The following PPTC7 variants were observed in gnomAD, a reference collection of about 807,000 sequenced individuals.
PPTC7 encodes protein phosphatase PTC7 homolog.
A neutral mutation model predicts 30.8 loss-of-function variants in PPTC7; 6 were observed. That is an observed-to-expected ratio of 0.19 (90% CI 0.11 to 0.38). PPTC7 has a LOEUF of 0.38. Among genes scored for constraint, PPTC7 ranks in the 10% least tolerant of loss-of-function variants. PPTC7 has a pLI of 1.00. For missense variants in PPTC7, 218 were observed against 404.8 expected (o/e 0.54, Z 3.96); for synonymous variants, 163 against 168.1 (o/e 0.97, Z 0.23).
chr12:110,551,789 C>T lies in PPTC7; in HGVS notation c.403G>A (p.Gly135Ser), dbSNP rs1565919992. 6.2e-7 allele frequency: 1 copy of T among 1,611,522 alleles called. No individual in the cohort carries two copies. ...ELLQNKVPLL[G>S]SSTACIVVLD... ...GAAAACACATAAGATACCCACTTAC[C>T]GAGCAAAGGGACTTTATTTTGCAGC... Residue 135 changes from glycine to serine, a missense_variant and splice_region_variant, in exon 2 of 6, where the codon GGT (glycine) becomes AGT (serine). Physicochemically the swap from Gly to Ser is moderately conservative, Grantham distance 56. Coordinates refer to ENST00000354300, the MANE Select transcript of PPTC7 (RefSeq NM_139283.2).
intron 1 of PPTC7, among the ~76,000 whole-genome samples, chr12:110,568,579 T>C (rs1348694025): frequency 6.6e-6 from 1 of 152,194 alleles, no homozygotes; most frequent in African/African-American, 2.4e-5. Flanking sequence ...ACACCAGTCC[T>C]GTGCATGTTT....
intron 1 of PPTC7, among the ~76,000 whole-genome samples, chr12:110,572,858 C>G (rs1163953155): frequency 6.6e-6 from 1 of 151,632 alleles, no homozygotes; most frequent in Non-Finnish European, 1.5e-5. Context: ...CTATCGTAAT[C>G]TTTTTTAAGT....
At chr12:110,574,248 T>C (rs1319037953) in intron 1 of PPTC7, among the ~76,000 whole-genome samples, 1 of 151,562 alleles carries the variant, frequency 6.6e-6, no homozygotes, top group African/African-American at 2.4e-5. Context: ...CCACCCTTAC[T>C]TGATGTGTCA....
In PPTC7 at chr12:110,539,964, A is replaced by AG. The variant is rs1197689754; in HGVS notation, c.603-20dup. ...ATCCGGACTGTGGCAAGGACAGGGG[A>AG]GGGACAAAGTTAAGAAGGCCCTTTA... On this transcript the variant is annotated intron_variant, in intron 3 of 5. Coordinates refer to ENST00000354300, the MANE Select transcript of PPTC7 (RefSeq NM_139283.2). 1 of 1,610,478 alleles carries AG rather than the reference A, an allele frequency of 6.2e-7. No homozygotes were observed. The highest frequency in any genetic ancestry group is 8.5e-7 in the Non-Finnish European group (1 of 1,178,280).
At chr12:110,556,050 A>G (rs1303231166) in intron 1 of PPTC7, among the ~76,000 whole-genome samples, 1 of 152,226 alleles carries the variant, frequency 6.6e-6, no homozygotes, top group Non-Finnish European at 1.5e-5. Context: ...AATGCTCTTC[A>G]CAAGAAAACC....
intron 5 of PPTC7, among the ~76,000 whole-genome samples, chr12:110,537,893 C>T (rs1267708471): frequency 1.3e-5 from 2 of 152,178 alleles, no homozygotes; most frequent in African/African-American, 4.8e-5. Flanking sequence ...ATTGCGGTGG[C>T]GGCAATAAAG....
intron 3 of PPTC7, among the ~76,000 whole-genome samples, chr12:110,542,692 A>G (rs912608458): frequency 6.6e-6 from 1 of 150,800 alleles, no homozygotes; most frequent in African/African-American, 2.4e-5. Context: ...AAAAAAAAAA[A>G]AAAAAAAGAA....
intron 1 of PPTC7, among the ~76,000 whole-genome samples, chr12:110,577,122 G>A (rs982972300): frequency 1.2e-4 from 18 of 144,136 alleles, no homozygotes; most frequent in Admixed American, 1.0e-3. Flanking sequence ...AGCCAAGATC[G>A]CGCCACTGCT....
intron 1 of PPTC7, among the ~76,000 whole-genome samples, chr12:110,578,660 T>C (rs2064609548): frequency 6.6e-6 from 1 of 152,224 alleles, no homozygotes; most frequent in Non-Finnish European, 1.5e-5. Flanking sequence ...ATGACCACAG[T>C]GAATAATCTG....
intron 3 of PPTC7, among the ~76,000 whole-genome samples, chr12:110,543,363 A>G (rs2064278527): frequency 6.6e-6 from 1 of 152,120 alleles, no homozygotes; most frequent in Non-Finnish European, 1.5e-5. Context: ...CTAAAGGAAA[A>G]CCTGTAAGTT....
At chr12:110,561,856 G>A (rs905750914) in intron 1 of PPTC7, among the ~76,000 whole-genome samples, 1 of 151,974 alleles carries the variant, frequency 6.6e-6, no homozygotes, top group Non-Finnish European at 1.5e-5. Context: ...CTGCTTGGGG[G>A]ACAGGGGTAG....
chr12:110,547,365 A>C (rs2064316004), intron 2 of PPTC7, among the ~76,000 whole-genome samples: 1 of 152,192 alleles, frequency 6.6e-6, no homozygotes, highest in African/African-American at 2.4e-5. Flanking sequence ...TCTGTGCCCC[A>C]GTTTCCTCAT....
At chr12:110,566,516 G>A (rs972391624) in intron 1 of PPTC7, among the ~76,000 whole-genome samples, 1 of 152,190 alleles carries the variant, frequency 6.6e-6, no homozygotes, top group African/African-American at 2.4e-5. Context: ...CGATTTCACA[G>A]GGCCGGTGTG....
At chr12:110,540,049 A>T in intron 3 of PPTC7, 104 bp from the exon 4 acceptor site, 1 of 989,836 alleles carries the variant, frequency 1.0e-6, no homozygotes, top group Non-Finnish European at 1.4e-6. Flanking sequence ...TTTCTGCAAG[A>T]AAAACTGATT....
chr12:110,582,285 G>A (rs2064644038), intron 1 of PPTC7, among the ~76,000 whole-genome samples: 1 of 152,242 alleles, frequency 6.6e-6, no homozygotes. Context: ...CGAAAAGGGT[G>A]AAGATTTGGT....
At chr12:110,545,094 T>C (rs1374889019) in intron 3 of PPTC7, among the ~76,000 whole-genome samples, 37 of 151,752 alleles carry the variant, frequency 2.4e-4, no homozygotes. Context: ...TTTGGTTTTA[T>C]TGTTTTGGTT....
Position 110,582,952 on chromosome 12 carries a change from C to CCGA in PPTC7, c.79_80insTCG (p.Ala26_Gly27insVal). Reference sequence around the variant, plus strand: ...TCCGTAGTCGCCGCCGCCGCCGCCGCCGGCCCTGGGGTCGGTCTGCGAGAG... The same window carrying CCGA: ...TCCGTAGTCGCCGCCGCCGCCGCCGCCGACGGCCCTGGGGTCGGTCTGCGAGAG... On this transcript the variant is annotated inframe_insertion, in exon 1 of 6. Coordinates refer to ENST00000354300, the MANE Select transcript of PPTC7 (RefSeq NM_139283.2). 6.5e-7 allele frequency: 1 copy of CCGA among 1,537,808 alleles called. No homozygotes were observed. Among genetic ancestry groups the CCGA allele is most frequent in the Admixed American group, 2.0e-5 (1 of 50,648 alleles).
rs1335906047 is a variant in PPTC7 at position 110,539,963 on chromosome 12, G to C, written c.603-18C>G. 6.2e-7 allele frequency: 1 copy of C among 1,611,688 alleles called. No individual in the cohort carries two copies. Among genetic ancestry groups the C allele is most frequent in the South Asian group, 1.1e-5 (1 of 90,706 alleles). On this transcript the variant is annotated intron_variant, in intron 3 of 5. Transcript: ENST00000354300. Reference sequence around the variant, plus strand: ...CATCCGGACTGTGGCAAGGACAGGGGAGGGACAAAGTTAAGAAGGCCCTTT... The same window carrying C: ...CATCCGGACTGTGGCAAGGACAGGGCAGGGACAAAGTTAAGAAGGCCCTTT...
intron 1 of PPTC7, among the ~76,000 whole-genome samples, chr12:110,559,406 A>C (rs1262859773): frequency 6.7e-6 from 1 of 149,450 alleles, no homozygotes; most frequent in African/African-American, 2.5e-5. Flanking sequence ...TTATAAGAAG[A>C]AAAAAATTTT....
Sources: gnomAD v4.1 joint callset for allele counts (sites outside exome capture counted in the v4.1 genomes callset) on GRCh38, gnomAD v4.1.1 for gene constraint, MANE v1.5 for transcripts, NCBI Gene and HGNC (gene_info 2026-07-23, HGNC 2026-07-21) for gene names.